The following PCYT2 variants were observed in gnomAD, a reference collection of about 807,000 sequenced individuals.
The protein encoded by PCYT2 is phosphate cytidylyltransferase 2, ethanolamine.
A neutral mutation model predicts 50.0 loss-of-function variants in PCYT2; 33 were observed. The ratio of observed to expected loss-of-function variants is 0.66; its 90% CI spans 0.50 to 0.88. The LOEUF (loss-of-function observed/expected upper bound fraction) is 0.88. Among genes scored for constraint, PCYT2 ranks in the 40% least tolerant of loss-of-function variants. The pLI, the probability that PCYT2 is intolerant of heterozygous loss-of-function variation, is 0.00. For synonymous variants in PCYT2, 240 were observed against 203.7 expected, an observed-to-expected ratio of 1.18 and a Z score of -1.52; for missense variants, 430 against 519.7, an observed-to-expected ratio of 0.83 and a Z score of 1.68.
chr17:81,905,264 G>T, intron 11 of PCYT2, 110 bp from the exon 12 acceptor site: 1 of 1,313,216 alleles, frequency 7.6e-7, no homozygotes, highest in Non-Finnish European at 1.1e-6. Context: ...CATGGGAGTG[G>T]TGCAGTCGGA....
At chr17:81,907,699 A>G (rs1567893044) in intron 5 of PCYT2, 74 bp downstream of exon 5, 18 of 1,592,464 alleles carry the variant, frequency 1.1e-5, no homozygotes, top group Non-Finnish European at 1.5e-5. Context: ...GGACCCTGAG[A>G]GGGCAGGGAG....
At position 81,902,545 on chromosome 17, in the gene PCYT2, G is replaced by T. The variant is rs759242584; in HGVS notation, c.*2288C>A. 6.7e-7 allele frequency: 1 copy of T among 1,484,166 alleles called. No individual in the cohort carries two copies. The allele number at this position is 1,484,166 out of a possible 1,614,324, so 91.9% of individuals were successfully genotyped here. A position where few individuals can be genotyped will look rare whatever the true frequency, so the allele number is the denominator to read the frequency against. ...GAGCCTCGTGAGTCCGGCGTGCCGGGGACTGATGGGGGGCGGCGGCAGGAC... is the reference window on the plus strand; with the variant it reads ...GAGCCTCGTGAGTCCGGCGTGCCGGTGACTGATGGGGGGCGGCGGCAGGAC... On this transcript the variant is annotated 3_prime_UTR_variant, in exon 13 of 13. Transcript: ENST00000538936.
chr17:81,901,071 A>G lies in PCYT2; in HGVS notation c.*3762T>C, dbSNP rs2039936799. 1 of 152,230 alleles carries G rather than the reference A, an allele frequency of 6.6e-6. No homozygotes were observed. Among genetic ancestry groups the G allele is most frequent in the African/African-American group, 2.4e-5 (1 of 41,448 alleles). 9.4% of individuals were successfully genotyped at this position (152,230 alleles called of 1,614,324 possible). A position where few individuals can be genotyped will look rare whatever the true frequency, so the allele number is the denominator to read the frequency against. On this transcript the variant is annotated 3_prime_UTR_variant, in exon 13 of 13. Coordinates refer to ENST00000538936, the MANE Select transcript of PCYT2 (RefSeq NM_002861.5). The stretch of plus-strand genomic sequence containing the variant: ...AGCAAGGAAGCCAGTCTGAGTCCCA[A>G]AACAAAAGTAGAGAAGCCGATAGTG...
At chr17:81,907,739 C>G in intron 5 of PCYT2, 34 bp downstream of exon 5, 1 of 1,605,608 alleles carries the variant, frequency 6.2e-7, no homozygotes, top group Non-Finnish European at 8.5e-7. Context: ...GAGACCTCGA[C>G]CCAGGGGCCT....
chr17:81,907,830 G>A lies in PCYT2; in HGVS notation c.435C>T (p.Ser145=). ...YRECKRTQGV[S]TTDLVGRMLL... ...GCATGCGGCCCACGAGGTCTGTGGT[G>A]GACACCCCTTGCGTGCGCTTGCATT... The change falls in exon 5 of 13, where the codon TCC becomes TCT. Residue 145 remains serine (S), a synonymous_variant. Transcript: ENST00000538936. 6.2e-7 allele frequency: 1 copy of A among 1,612,836 alleles called. No individual in the cohort carries two copies. The highest frequency in any genetic ancestry group is 8.5e-7 in the Non-Finnish European group (1 of 1,179,596).
Position 81,909,528 on chromosome 17 carries a change from C to T in PCYT2, c.164G>A (p.Gly55Asp). 1.2e-6 allele frequency: 2 copies of T among 1,613,098 alleles called. No homozygotes were observed. The highest frequency in any genetic ancestry group is 1.7e-6 in the Non-Finnish European group (2 of 1,179,352). Reference sequence around the variant, plus strand: ...TCTGTGCTTACCATCGGTGTGCACGCCTACGATGAGGTAGTCACCCATGGC... The same window carrying T: ...TCTGTGCTTACCATCGGTGTGCACGTCTACGATGAGGTAGTCACCCATGGC... Reference protein sequence around the residue: ...ARAMGDYLIVGVHTDEEIAKH... With the variant: ...ARAMGDYLIVDVHTDEEIAKH... The change falls in exon 2 of 13, where the codon GGC (glycine) becomes GAC (aspartate). Residue 55 changes from glycine (G) to aspartate (D), a missense_variant. Physicochemically the swap from Gly to Asp is moderately conservative, Grantham distance 94. Transcript: ENST00000538936.
chr17:81,906,420 G>T, intron 8 of PCYT2, 44 bp downstream of exon 8: 1 of 1,572,776 alleles, frequency 6.4e-7, no homozygotes, highest in Non-Finnish European at 8.7e-7. Flanking sequence ...CCCCTCGAGG[G>T]CCCATCAGCT....
chr17:81,911,167 AC>A, intron 1 of PCYT2, 99 bp downstream of exon 1: 2 of 1,007,702 alleles, frequency 2.0e-6, no homozygotes, highest in Non-Finnish European at 2.4e-6. Flanking sequence ...CGAGGACGCC[AC>A]CCAGAACGCG....
Position 81,903,978 on chromosome 17 carries a change from T to TG in PCYT2, c.*854dup, listed in dbSNP as rs771895555. ...CTCCAGGCGGGCCGTGACAGGGGTGTGGGAGACAGAGATCCCATGGCCCCT... is the reference window on the plus strand; with the variant it reads ...CTCCAGGCGGGCCGTGACAGGGGTGTGGGGAGACAGAGATCCCATGGCCCCT... On this transcript the variant is annotated 3_prime_UTR_variant, in exon 13 of 13. Transcript: ENST00000538936. The TG allele has an allele frequency of 6.6e-6, 1 of 152,246 alleles. No homozygotes were observed. Among genetic ancestry groups the TG allele is most frequent in the Non-Finnish European group, 1.5e-5 (1 of 68,064 alleles). The allele number at this position is 152,246 out of a possible 1,614,324, so 9.4% of individuals were successfully genotyped here. A position where few individuals can be genotyped will look rare whatever the true frequency, so the allele number is the denominator to read the frequency against.
chr17:81,902,370 G>A lies in PCYT2; in HGVS notation c.*2463C>T, dbSNP rs1186023642. The A allele has an allele frequency of 8.2e-6, 11 of 1,342,598 alleles. No individual in the cohort carries two copies. The highest frequency in any genetic ancestry group is 1.0e-5 in the Non-Finnish European group (11 of 1,055,008). 83.2% of individuals were successfully genotyped at this position (1,342,598 alleles called of 1,614,324 possible). ...TCGCGTGGTACAAGCCAGCGGCGGG[G>A]CACAGCTCCTACTCGGTGGGCCGCG... On this transcript the variant is annotated 3_prime_UTR_variant, in exon 13 of 13. Coordinates refer to ENST00000538936, the MANE Select transcript of PCYT2 (RefSeq NM_002861.5).
rs532885259 is a variant in PCYT2, at chr17:81,902,268, C to T, written c.*2565G>A. ...CGGACGCCGCCGCCCACCAGTCAGC[C>T]GGCGTCCCCATGGCCCGGTCCGCGA... On this transcript the variant is annotated 3_prime_UTR_variant, in exon 13 of 13. Transcript: ENST00000538936. The T allele has an allele frequency of 1.9e-5, 24 of 1,251,180 alleles. No homozygotes were observed. In the South Asian group the frequency reaches 5.1e-4, roughly 26 times the overall value. The allele number at this position is 1,251,180 out of a possible 1,614,324, so 77.5% of individuals were successfully genotyped here.
At chr17:81,908,756 C>T in intron 3 of PCYT2, 120 bp downstream of exon 3, 1 of 1,330,914 alleles carries the variant, frequency 7.5e-7, no homozygotes, top group Non-Finnish European at 1.1e-6. Flanking sequence ...AGGTGGGGGC[C>T]CGGAAATGTC....
In PCYT2 at chr17:81,907,854, T is replaced by C; in HGVS notation, c.411A>G (p.Glu137=). 6.2e-7 allele frequency: 1 copy of C among 1,607,168 alleles called. No individual in the cohort carries two copies. Among genetic ancestry groups the C allele is most frequent in the Admixed American group, 1.7e-5 (1 of 59,458 alleles). The change falls in exon 5 of 13, where the codon GAA becomes GAG. Residue 137 remains glutamate (E), a synonymous_variant. Transcript: ENST00000538936. The part of the protein sequence containing the change: ...EEVKQAGRYR[E]CKRTQGVSTT... ...TGGACACCCCTTGCGTGCGCTTGCA[T>C]TCTCTGGGGGACACAGTGGGAGTGG...
At position 81,904,779 on chromosome 17, in the gene PCYT2, C is replaced by A. The variant is rs533319940; in HGVS notation, c.*54G>T. The A allele has an allele frequency of 1.6e-6, 2 of 1,252,820 alleles. No individual in the cohort carries two copies. Among genetic ancestry groups the A allele is most frequent in the East Asian group, 2.4e-5 (1 of 41,826 alleles). 77.6% of individuals were successfully genotyped at this position (1,252,820 alleles called of 1,614,324 possible). ...GGCCCTGCAGAGTCCTATGTCCAAA[C>A]GCAGAAGGCGCAGAAGCAGAGCAGG... On this transcript the variant is annotated 3_prime_UTR_variant, in exon 13 of 13. Coordinates refer to ENST00000538936, the MANE Select transcript of PCYT2 (RefSeq NM_002861.5).
At chr17:81,908,525 G>T in intron 4 of PCYT2, 43 bp downstream of exon 4, 1 of 1,470,290 alleles carries the variant, frequency 6.8e-7, no homozygotes, top group Non-Finnish European at 9.5e-7. Context: ...AGGGAGCCCC[G>T]TGTCCAGCTC....
chr17:81,907,881 G>T, intron 4 of PCYT2, 24 bp from the exon 5 acceptor site: 1 of 1,580,182 alleles, frequency 6.3e-7, no homozygotes, highest in Non-Finnish European at 8.6e-7. Context: ...TGGGAGTGGG[G>T]TCTCATCCTG....
rs1050741466 is a variant in PCYT2 at position 81,906,265 on chromosome 17, C to T, written c.760-88G>A. 1.4e-5 allele frequency: 18 copies of T among 1,296,058 alleles called. No individual in the cohort carries two copies. In the East Asian group the frequency reaches 2.0e-4, roughly 14 times the overall value. 80.3% of individuals were successfully genotyped at this position (1,296,058 alleles called of 1,614,324 possible). On this transcript the variant is annotated intron_variant, in intron 8 of 12. Transcript: ENST00000538936. Reference sequence around the variant, plus strand: ...CCGGCTGTCCCTCATGGGAAGAAGTCGGGGAGGTTGCTCGCCCTTGTGGGG... The same window carrying T: ...CCGGCTGTCCCTCATGGGAAGAAGTTGGGGAGGTTGCTCGCCCTTGTGGGG...
Position 81,902,485 on chromosome 17 carries a change from G to A in PCYT2, c.*2348C>T, listed in dbSNP as rs1314271712. On this transcript the variant is annotated 3_prime_UTR_variant, in exon 13 of 13. Transcript: ENST00000538936. ...GGCGGAACCCCCGGGCGGGGCCGGC[G>A]CCTCCCCGGAGCTGCAACTGCACCC... is the stretch of plus-strand genomic sequence containing the variant. 3.6e-6 allele frequency: 5 copies of A among 1,397,460 alleles called. No homozygotes were observed. Among genetic ancestry groups the A allele is most frequent in the Non-Finnish European group, 3.7e-6 (4 of 1,084,346 alleles). The allele number at this position is 1,397,460 out of a possible 1,614,324, so 86.6% of individuals were successfully genotyped here. A position where few individuals can be genotyped will look rare whatever the true frequency, so the allele number is the denominator to read the frequency against.
At chr17:81,909,373 G>T in intron 2 of PCYT2, 141 bp downstream of exon 2, 2 of 1,445,392 alleles carry the variant, frequency 1.4e-6, no homozygotes, top group East Asian at 2.4e-5. Context: ...CTCAGCTGGG[G>T]CTGGGCTGGG....
Sources: allele counts gnomAD v4.1 joint callset, GRCh38; gene constraint gnomAD v4.1.1; transcripts MANE v1.5; gene names NCBI Gene and HGNC (gene_info 2026-07-23, HGNC 2026-07-21).